The following MEIKIN variants were observed in gnomAD, a reference collection of about 807,000 sequenced individuals.
MEIKIN encodes the protein meiotic kinetochore factor.
At chr5:131,889,174 G>A (rs905185914) in intron 8 of MEIKIN, among the ~76,000 whole-genome samples, 2 of 152,122 alleles carry the variant, frequency 1.3e-5, no homozygotes, top group Admixed American at 6.5e-5. Flanking sequence ...TTTTGGCTTA[G>A]GATTGACTTG....
chr5:131,934,479 T>G (rs1388876021), intron 4 of MEIKIN, among the ~76,000 whole-genome samples: 1 of 152,088 alleles, frequency 6.6e-6, no homozygotes, highest in Non-Finnish European at 1.5e-5. Context: ...GGATAGTCTT[T>G]TAAACAAAAT....
chr5:131,894,112 C>T (rs1580894893), intron 8 of MEIKIN, among the ~76,000 whole-genome samples: 1 of 152,184 alleles, frequency 6.6e-6, no homozygotes, highest in Non-Finnish European at 1.5e-5. Flanking sequence ...CAGCTTTCTA[C>T]ATATGGCTAG....
chr5:131,937,058 C>T (rs1751791861), intron 4 of MEIKIN, among the ~76,000 whole-genome samples: 1 of 152,150 alleles, frequency 6.6e-6, no homozygotes, highest in African/African-American at 2.4e-5. Context: ...ATGCATCCTA[C>T]ACAGTTGTTT....
At chr5:131,903,303 C>T (rs547757403) in intron 8 of MEIKIN, among the ~76,000 whole-genome samples, 24 of 152,130 alleles carry the variant, frequency 1.6e-4, no homozygotes, top group African/African-American at 5.3e-4. Flanking sequence ...GCAGAAAACC[C>T]CTGCAAAATA....
At chr5:131,851,003 C>T (rs1296522663) in intron 11 of MEIKIN, among the ~76,000 whole-genome samples, 1 of 152,026 alleles carries the variant, frequency 6.6e-6, no homozygotes, top group Non-Finnish European at 1.5e-5. Context: ...TTTGATTTGG[C>T]TGTGATTTCT....
intron 4 of MEIKIN, among the ~76,000 whole-genome samples, chr5:131,936,662 T>C (rs1751783197): frequency 6.6e-6 from 1 of 152,176 alleles, no homozygotes; most frequent in African/African-American, 2.4e-5. Flanking sequence ...TGGCAGGATC[T>C]TGGGTCACTG....
intron 9 of MEIKIN, among the ~76,000 whole-genome samples, chr5:131,862,624 A>C (rs534741713): frequency 1.2e-3 from 177 of 152,252 alleles, no homozygotes; most frequent in Non-Finnish European, 1.9e-3. Flanking sequence ...TATTGCTATA[A>C]AGTTCCCTCT....
At chr5:131,841,153 C>G (rs540319093) in intron 11 of MEIKIN, among the ~76,000 whole-genome samples, 4 of 152,264 alleles carry the variant, frequency 2.6e-5, no homozygotes, top group Non-Finnish European at 4.4e-5. Context: ...AGCTCTAATT[C>G]TGAGGGACTT....
At chr5:131,878,059 G>A (rs1750645258) in intron 9 of MEIKIN, among the ~76,000 whole-genome samples, 1 of 152,116 alleles carries the variant, frequency 6.6e-6, no homozygotes, top group Admixed American at 6.5e-5. Flanking sequence ...TATATATAGG[G>A]TTCAGTACTA....
intron 11 of MEIKIN, among the ~76,000 whole-genome samples, chr5:131,836,118 C>T (rs537203502): frequency 3.9e-5 from 6 of 152,292 alleles, no homozygotes; most frequent in East Asian, 1.9e-4. Context: ...TATCATTTAG[C>T]TCTCATTTAT....
chr5:131,810,333 A>G (rs1772930039), intron 12 of MEIKIN, among the ~76,000 whole-genome samples: 1 of 152,224 alleles, frequency 6.6e-6, no homozygotes, highest in South Asian at 2.1e-4. Context: ...TAGAATAAAA[A>G]AAAATCTTAA....
At chr5:131,922,121 C>A (rs1464781147) in intron 5 of MEIKIN, among the ~76,000 whole-genome samples, 180 bp from the exon 6 acceptor site, 2 of 152,160 alleles carry the variant, frequency 1.3e-5, no homozygotes, top group Non-Finnish European at 2.9e-5. Flanking sequence ...AATCTATAGT[C>A]TATTCTGGTT....
At chr5:131,875,508 T>C (rs958809637) in intron 9 of MEIKIN, among the ~76,000 whole-genome samples, 9 of 151,834 alleles carry the variant, frequency 5.9e-5, no homozygotes, top group African/African-American at 9.7e-5. Context: ...TACAAACAAA[T>C]GGAAGAACAT....
chr5:131,868,926 CTTG>C (rs1750436464), intron 9 of MEIKIN, among the ~76,000 whole-genome samples: 1 of 152,124 alleles, frequency 6.6e-6, no homozygotes, highest in Admixed American at 6.5e-5. Context: ...CAATCTGTGG[CTTG>C]TTATCTCATT....
At chr5:131,825,788 G>T (rs1749599774) in intron 11 of MEIKIN, among the ~76,000 whole-genome samples, 1 of 152,230 alleles carries the variant, frequency 6.6e-6, no homozygotes, top group African/African-American at 2.4e-5. Context: ...CCACAGGACA[G>T]TCCTAAGGAC....
chr5:131,812,503 T>C (rs1773015100), intron 12 of MEIKIN, among the ~76,000 whole-genome samples: 1 of 152,238 alleles, frequency 6.6e-6, no homozygotes, highest in South Asian at 2.1e-4. Flanking sequence ...GACATCCCTA[T>C]TAAGGCGAAG....
intron 4 of MEIKIN, among the ~76,000 whole-genome samples, chr5:131,941,657 A>C (rs1402875317): frequency 6.6e-6 from 1 of 152,174 alleles, no homozygotes; most frequent in Non-Finnish European, 1.5e-5. Context: ...GATTATACCA[A>C]TATGTAGATG....
chr5:131,851,493 T>G (rs1750115026), intron 10 of MEIKIN, 110 bp from the exon 11 acceptor site: 1 of 391,240 alleles, frequency 2.6e-6, no homozygotes. Flanking sequence ...AGCATTTTCC[T>G]GTAAACTTGA....
chr5:131,844,095 G>T (rs567405868), intron 11 of MEIKIN, among the ~76,000 whole-genome samples: 1 of 152,166 alleles, frequency 6.6e-6, no homozygotes, highest in African/African-American at 2.4e-5. Flanking sequence ...AGGGAGAAGT[G>T]CCACACACTT....
Sources: allele counts gnomAD v4.1 joint callset (sites outside exome capture counted in the v4.1 genomes callset), GRCh38; gene constraint gnomAD v4.1.1; transcripts MANE v1.5; gene names NCBI Gene and HGNC (gene_info 2026-07-23, HGNC 2026-07-21).